Variants in OVGP1 observed in about 807,000 individuals in gnomAD.
OVGP1 encodes the protein oviduct-specific glycoprotein.
OVGP1 carries 26 observed loss-of-function variants against 48.2 expected under a neutral mutation model. The observed-to-expected ratio is 0.54, with a 90% CI of 0.40 to 0.75. The LOEUF is 0.75. Ranked by LOEUF, OVGP1 falls within the 30% of genes least tolerant of loss-of-function variation. The pLI is 0.00. For missense variants in OVGP1, 791 were observed against 820.6 expected, an observed-to-expected ratio of 0.96 and a Z score of 0.44; for synonymous variants, 294 against 305.7, an observed-to-expected ratio of 0.96 and a Z score of 0.40.
chr1:111,414,332 A>T lies in OVGP1; in HGVS notation c.*132T>A. On this transcript the variant is annotated 3_prime_UTR_variant, in exon 11 of 11. Coordinates refer to ENST00000369732, the MANE Select transcript of OVGP1 (RefSeq NM_002557.4). The stretch of plus-strand genomic sequence containing the variant: ...GAACTCGGTGGGTTCTTGTGTTTAC[A>T]GTTTATTTAATGGAAAAGAGATTGG... 1.4e-6 allele frequency: 1 copy of T among 737,486 alleles called. No homozygotes were observed. Among genetic ancestry groups the T allele is most frequent in the Non-Finnish European group, 2.2e-6 (1 of 449,396 alleles). 45.7% of individuals were successfully genotyped at this position (737,486 alleles called of 1,614,324 possible). A position where few individuals can be genotyped will look rare whatever the true frequency, so the allele number is the denominator to read the frequency against.
Position 111,414,775 on chromosome 1 carries a change from C to T in OVGP1, c.1726G>A (p.Val576Ile), listed in dbSNP as rs371042287. 1.2e-5 allele frequency: 19 copies of T among 1,607,540 alleles called. No individual in the cohort carries two copies. The African/African-American group carries it at 1.6e-4, about 14-fold the overall frequency. Residue 576 changes from valine to isoleucine, a missense_variant, in exon 11 of 11, where the codon GTC (valine) becomes ATC (isoleucine). By Grantham distance (29) the Val-to-Ile change is conservative. Transcript: ENST00000369732. ...RKAVAREKVT[V>I]PSRNISVTPE... ...GTGACTGATATGTTTCTGGAGGGGA[C>T]AGTCACCTTTTCACGGGCCACAGCC...
At position 111,416,430 on chromosome 1, in the gene OVGP1, C is replaced by G. The variant is rs200976846; in HGVS notation, c.1049G>C (p.Gly350Ala). The change falls in exon 10 of 11, where the codon GGG (glycine) becomes GCG (alanine). Residue 350 changes from glycine to alanine, a missense_variant. Gly to Ala is a moderately conservative substitution (Grantham distance 60). Transcript: ENST00000369732. ...KAWFIRREHF[G>A]GAMVWTLDMD... ...GTCCAATGTCCACACCATGGCCCCC[C>G]CAAAATGCTCTCGCCTTATAAACCA... is the stretch of plus-strand genomic sequence containing the variant. The G allele has an allele frequency of 1.5e-5, 24 of 1,606,084 alleles. No individual in the cohort carries two copies. The highest frequency in any genetic ancestry group is 4.0e-5 in the African/African-American group (3 of 74,986).
intron 9 of OVGP1, among the ~76,000 whole-genome samples, chr1:111,419,194 A>C (rs1652203268): frequency 6.6e-6 from 1 of 151,790 alleles, no homozygotes; most frequent in African/African-American, 2.4e-5. Flanking sequence ...ATCTTCTCCT[A>C]CTCCTGCTCA....
chr1:111,414,617 G>T lies in OVGP1; in HGVS notation c.1884C>A (p.Ile628=). ...CTAGAGGAGTTTGTTCCGGGAGCTG[G>T]ATGACGGGGCTGGAGGACAGCATCA... is the stretch of plus-strand genomic sequence containing the variant. ...NRMMLSSSPV[I]QLPEQTPLAF... The change falls in exon 11 of 11, where the codon ATC becomes ATA. Residue 628 remains isoleucine (I), a synonymous_variant. Coordinates refer to ENST00000369732, the MANE Select transcript of OVGP1 (RefSeq NM_002557.4). The T allele has an allele frequency of 6.2e-7, 1 of 1,614,210 alleles. No individual in the cohort carries two copies. Among genetic ancestry groups the T allele is most frequent in the Non-Finnish European group, 8.5e-7 (1 of 1,180,036 alleles).
At chr1:111,425,897 C>A (rs1439064155) in intron 3 of OVGP1, among the ~76,000 whole-genome samples, 1 of 152,088 alleles carries the variant, frequency 6.6e-6, no homozygotes, top group Non-Finnish European at 1.5e-5. Context: ...CATCTATAAC[C>A]ATTAATGCAG....
intron 6 of OVGP1, 30 bp downstream of exon 6, chr1:111,422,897 T>C: frequency 6.2e-7 from 1 of 1,613,134 alleles, no homozygotes; most frequent in South Asian, 1.1e-5. Flanking sequence ...CCCACCAATG[T>C]CCTGCCCCAC....
chr1:111,423,270 G>A (rs931294169), intron 5 of OVGP1, among the ~76,000 whole-genome samples: 2 of 152,198 alleles, frequency 1.3e-5, no homozygotes, highest in African/African-American at 4.8e-5. Flanking sequence ...AGGCTCAGAA[G>A]CACAGAATTC....
chr1:111,421,489 CCTT>C lies in OVGP1; in HGVS notation c.718-31_718-29del, dbSNP rs764803319. ...GCAGGTAAGAAGAATCCAGACTCCT[CCTT>C]GTTACTAAGAGCCAATGGCCTGAGC... On this transcript the variant is annotated intron_variant, in intron 7 of 10. Coordinates refer to ENST00000369732, the MANE Select transcript of OVGP1 (RefSeq NM_002557.4). 4.4e-6 allele frequency: 7 copies of C among 1,608,824 alleles called. No homozygotes were observed. The African/African-American group carries it at 9.4e-5, about 22-fold the overall frequency.
chr1:111,425,532 C>T, intron 3 of OVGP1, 93 bp from the exon 4 acceptor site: 1 of 1,577,374 alleles, frequency 6.3e-7, no homozygotes, highest in Non-Finnish European at 8.6e-7. Flanking sequence ...TGGAAGAAAA[C>T]AGGAAACAGG....
intron 4 of OVGP1, 52 bp from the exon 5 acceptor site, chr1:111,423,760 C>T: frequency 2.6e-6 from 4 of 1,562,606 alleles, no homozygotes; most frequent in Non-Finnish European, 2.6e-6. Context: ...GAATCACAAC[C>T]TCCTACAAGG....
intron 7 of OVGP1, 42 bp from the exon 8 acceptor site, chr1:111,421,503 G>A (rs1366300630): frequency 1.2e-6 from 2 of 1,608,998 alleles, no homozygotes; most frequent in Non-Finnish European, 1.7e-6. Context: ...GTTACTAAGA[G>A]CCAATGGCCT....
intron 8 of OVGP1, among the ~76,000 whole-genome samples, chr1:111,420,273 G>A (rs1259894863): frequency 1.3e-5 from 2 of 152,214 alleles, no homozygotes; most frequent in Non-Finnish European, 2.9e-5. Flanking sequence ...CAAAAAAGTA[G>A]AGGTACGCAA....
Position 111,426,452 on chromosome 1 carries a change from TTGAACTC to T in OVGP1, c.238_244del (p.Glu80ThrfsTer3), listed in dbSNP as rs1557785404. 1 of 1,614,150 alleles carries T rather than the reference TTGAACTC, an allele frequency of 6.2e-7. No individual in the cohort carries two copies. The highest frequency in any genetic ancestry group is 2.2e-5 in the East Asian group (1 of 44,876). On this transcript the variant is annotated frameshift_variant, in exon 3 of 11. Coordinates refer to ENST00000369732, the MANE Select transcript of OVGP1 (RefSeq NM_002557.4). LOFTEE classifies it high-confidence loss of function. ...ATGAACACACCTCTCCTTTAGTTTG[TTGAACTC>T]TGGGTAGAGAATTTTCTCATCCTGG...
chr1:111,423,033 G>T lies in OVGP1; in HGVS notation c.502C>A (p.Arg168=), dbSNP rs369849179. The part of the protein sequence containing the change: ...FLIEELLFAF[R]KEALLTMRPR... ...CGCATGGTGAGCAGTGCCTCCTTCC[G>T]GAAGGCAAACAGGAGCTCCTAAGAG... is the stretch of plus-strand genomic sequence containing the variant. The change falls in exon 6 of 11, where the codon CGG becomes AGG. Residue 168 remains arginine (R), a synonymous_variant. Coordinates refer to ENST00000369732, the MANE Select transcript of OVGP1 (RefSeq NM_002557.4). The T allele has an allele frequency of 6.2e-7, 1 of 1,614,032 alleles. No homozygotes were observed.
intron 3 of OVGP1, 81 bp downstream of exon 3, chr1:111,426,356 G>C: frequency 6.3e-7 from 1 of 1,592,976 alleles, no homozygotes; most frequent in South Asian, 1.1e-5. Flanking sequence ...GAAGAAAGTT[G>C]AAGAGTAACA....
At position 111,415,283 on chromosome 1, in the gene OVGP1, A is replaced by T. The variant is rs1375760264; in HGVS notation, c.1218T>A (p.Thr406=). The T allele has an allele frequency of 1.9e-6, 3 of 1,614,006 alleles. No homozygotes were observed. The highest frequency in any genetic ancestry group is 2.5e-6 in the Non-Finnish European group (3 of 1,179,984). The change falls in exon 11 of 11, where the codon ACT becomes ACA. Residue 406 remains threonine, a synonymous_variant. Coordinates refer to ENST00000369732, the MANE Select transcript of OVGP1 (RefSeq NM_002557.4). ...WLSSAVNSSS[T]DPERLAVTTA... is the part of the protein sequence containing the mutation. ...TGGTCACAGCCAGCCTTTCAGGGTC[A>T]GTGCTTGAAGAATTCACAGCAGATG...
At position 111,426,443 on chromosome 1, in the gene OVGP1, T is replaced by C. The variant is rs1652398943; in HGVS notation, c.254A>G (p.Lys85Arg). Residue 85 changes from lysine to arginine, a missense_variant, in exon 3 of 11, where the codon AAG becomes AGG. Physicochemically the swap from Lys to Arg is conservative, Grantham distance 26. Coordinates refer to ENST00000369732, the MANE Select transcript of OVGP1 (RefSeq NM_002557.4). ...KILYPEFNKL[K>R]ERNRELKTLL... Reference sequence around the variant, plus strand: ...ACATCCAATATGAACACACCTCTCCTTTAGTTTGTTGAACTCTGGGTAGAG... The same window carrying C: ...ACATCCAATATGAACACACCTCTCCCTTAGTTTGTTGAACTCTGGGTAGAG... 9 of 1,613,980 alleles carry C rather than the reference T, an allele frequency of 5.6e-6. No individual in the cohort carries two copies. The highest frequency in any genetic ancestry group is 7.6e-6 in the Non-Finnish European group (9 of 1,179,980).
rs1652102061 is a variant in OVGP1, at chr1:111,415,224, G to A, written c.1277C>T (p.Pro426Leu). 1.9e-6 allele frequency: 3 copies of A among 1,614,128 alleles called. No individual in the cohort carries two copies. Among genetic ancestry groups the A allele is most frequent in the Non-Finnish European group, 2.5e-6 (3 of 1,180,006 alleles). ...AWTTDSKILP[P>L]GGEAGVTEIH... ...CTCAGTGACCCCAGCCTCTCCTCCT[G>A]GGGGCAAAATCTTACTATCAGTGGT... The change falls in exon 11 of 11, where the codon CCA (proline) becomes CTA (leucine). Residue 426 changes from proline to leucine, a missense_variant. Coordinates refer to ENST00000369732, the MANE Select transcript of OVGP1 (RefSeq NM_002557.4).
chr1:111,427,547 T>G lies in OVGP1; in HGVS notation c.25+150A>C. On this transcript the variant is annotated intron_variant, in intron 1 of 10. Coordinates refer to ENST00000369732, the MANE Select transcript of OVGP1 (RefSeq NM_002557.4). ...CACTTCTCCCTGGGTCCCTCTGACC[T>G]CTGACCATTAACTATGGCCCATCCC... 3.6e-6 allele frequency: 4 copies of G among 1,103,590 alleles called. No homozygotes were observed. In the South Asian group the frequency reaches 5.4e-5, roughly 15 times the overall value. 68.4% of individuals were successfully genotyped at this position (1,103,590 alleles called of 1,614,324 possible).
Sources: allele counts gnomAD v4.1 joint callset (sites outside exome capture counted in the v4.1 genomes callset), GRCh38; gene constraint gnomAD v4.1.1; transcripts MANE v1.5; gene names NCBI Gene and HGNC (gene_info 2026-07-23, HGNC 2026-07-21).